SHTN1: variants seen among roughly 807,000 people sequenced by gnomAD.
The protein encoded by SHTN1 is shootin 1, also known as shootin-1.
A neutral mutation model predicts 83.1 loss-of-function variants in SHTN1; 42 were observed. The ratio of observed to expected loss-of-function variants is 0.51; its 90% CI spans 0.39 to 0.65. SHTN1 has a LOEUF of 0.65. Among genes scored for constraint, SHTN1 ranks in the 30% least tolerant of loss-of-function variants. SHTN1 has a pLI of 0.00. For synonymous variants in SHTN1, 224 were observed against 247.7 expected, an observed-to-expected ratio of 0.90 and a Z score of 0.90; for missense variants, 622 against 737.8, an observed-to-expected ratio of 0.84 and a Z score of 1.82.
chr10:117,092,862 T>C (rs1853453694), intron 1 of SHTN1, among the ~76,000 whole-genome samples: 1 of 152,158 alleles, frequency 6.6e-6, no homozygotes, highest in African/African-American at 2.4e-5. Flanking sequence ...TATGTAATAC[T>C]TTCTTCAGCT....
chr10:116,901,937 T>G lies in SHTN1; in HGVS notation c.1501A>C (p.Thr501Pro). Residue 501 changes from threonine (T) to proline (P), a missense_variant, in exon 16 of 17, where the codon ACC becomes CCC. By Grantham distance (38) the Thr-to-Pro change is conservative (BLOSUM62 -1). Transcript: ENST00000355371. ...ACTGGCATGGATTTGGACTCTGAGG[T>G]GGCTAATATCCCAGTTGGACCTTAA... ...DSSSPTGILA[T>P]SESKSMPVLG... 6.2e-7 allele frequency: 1 copy of G among 1,601,400 alleles called. No homozygotes were observed. The highest frequency in any genetic ancestry group is 8.5e-7 in the Non-Finnish European group (1 of 1,175,404).
In SHTN1 at chr10:117,002,435, T is replaced by C. The variant is rs1851854153; in HGVS notation, c.58+2587A>G. Among the ~76,000 whole-genome samples the C allele has an allele frequency of 3.3e-5, 5 of 152,186 alleles. No individual in the cohort carries two copies. The South Asian group carries it at 8.3e-4, about 25-fold the overall frequency. On this transcript the variant is annotated intron_variant, in intron 1 of 16. Transcript: ENST00000355371. Reference sequence around the variant, plus strand: ...GCATTATTAAGGGAAAATAACATATTTGATAAATAGTGGTTCTTCTTGCTC... The same window carrying C: ...GCATTATTAAGGGAAAATAACATATCTGATAAATAGTGGTTCTTCTTGCTC...
At chr10:116,901,638 A>C in intron 16 of SHTN1, 127 bp downstream of exon 16, 1 of 1,354,538 alleles carries the variant, frequency 7.4e-7, no homozygotes, top group Non-Finnish European at 9.4e-7. Context: ...CCATCAAATG[A>C]AAAGAAGAAG....
At chr10:117,112,036 G>A (rs1327925470) in intron 1 of SHTN1, among the ~76,000 whole-genome samples, 2 of 152,088 alleles carry the variant, frequency 1.3e-5, no homozygotes. Flanking sequence ...CACGCTCTCT[G>A]CTCACTGCAA....
At chr10:116,990,219 T>G (rs1424159238) in intron 1 of SHTN1, among the ~76,000 whole-genome samples, 1 of 152,064 alleles carries the variant, frequency 6.6e-6, no homozygotes, top group African/African-American at 2.4e-5. Flanking sequence ...TACATATTGA[T>G]GACTGATCTT....
At chr10:116,980,828 CA>C (rs1185806991) in intron 1 of SHTN1, among the ~76,000 whole-genome samples, 8 of 152,074 alleles carry the variant, frequency 5.3e-5, no homozygotes, top group Admixed American at 6.6e-5. Context: ...ATGGTGGCAC[CA>C]AAGTCCTAAA....
chr10:117,104,264 T>G (rs185569237), intron 1 of SHTN1, among the ~76,000 whole-genome samples: 35 of 152,080 alleles, frequency 2.3e-4, no homozygotes, highest in African/African-American at 8.4e-4. Context: ...AATCTTCCCT[T>G]CATCCCCAGT....
intron 1 of SHTN1, among the ~76,000 whole-genome samples, chr10:117,074,630 C>T (rs773174538): frequency 5.9e-5 from 9 of 152,174 alleles, no homozygotes; most frequent in Non-Finnish European, 1.0e-4. Context: ...ATATCACTTT[C>T]CAGAACAATA....
intron 1 of SHTN1, among the ~76,000 whole-genome samples, chr10:117,100,852 C>G (rs1853581009): frequency 6.6e-6 from 1 of 152,170 alleles, no homozygotes; most frequent in African/African-American, 2.4e-5. Context: ...TGCAAAGATT[C>G]TGAGGTGGGA....
At chr10:116,943,439 C>T (rs1302708365) in intron 8 of SHTN1, among the ~76,000 whole-genome samples, 1 of 152,182 alleles carries the variant, frequency 6.6e-6, no homozygotes, top group Non-Finnish European at 1.5e-5. Context: ...GCAATAAAGG[C>T]ATCTTCACAT....
chr10:117,004,093 G>A (rs1199768639), intron 1 of SHTN1, among the ~76,000 whole-genome samples: 1 of 151,976 alleles, frequency 6.6e-6, no homozygotes, highest in Non-Finnish European at 1.5e-5. Context: ...CTCCATGTTG[G>A]TTAGGCTGGT....
chr10:116,904,926 G>A (rs1847902182), intron 15 of SHTN1, among the ~76,000 whole-genome samples: 1 of 151,960 alleles, frequency 6.6e-6, no homozygotes, highest in Admixed American at 6.5e-5. Flanking sequence ...TGTTGGCCGG[G>A]CGCGGTGGCT....
chr10:116,953,706 C>A (rs1042185428), intron 5 of SHTN1, among the ~76,000 whole-genome samples: 3 of 143,904 alleles, frequency 2.1e-5, no homozygotes, highest in African/African-American at 7.5e-5. Context: ...CGGCTCACTG[C>A]AACCTCTGCC....
At chr10:117,075,089 AACTGT>A (rs1429023557) in intron 1 of SHTN1, among the ~76,000 whole-genome samples, 5 of 152,218 alleles carry the variant, frequency 3.3e-5, no homozygotes, top group Admixed American at 6.5e-5. Flanking sequence ...AAAACATGGA[AACTGT>A]ACTATTATTT....
intron 13 of SHTN1, among the ~76,000 whole-genome samples, chr10:116,914,344 C>T (rs750876099): frequency 4.5e-4 from 69 of 151,980 alleles, no homozygotes; most frequent in East Asian, 1.4e-3. Flanking sequence ...TGGTGGCATG[C>T]GCCTGTAGTT....
At chr10:116,892,464 T>C (rs888889621) in intron 16 of SHTN1, among the ~76,000 whole-genome samples, 1 of 152,206 alleles carries the variant, frequency 6.6e-6, no homozygotes, top group African/African-American at 2.4e-5. Flanking sequence ...TCCACTCAGA[T>C]TCCAGCTATT....
chr10:117,013,779 C>T (rs1018806796), intron 2 of SHTN1, among the ~76,000 whole-genome samples: 4 of 152,062 alleles, frequency 2.6e-5, no homozygotes, highest in African/African-American at 4.8e-5. Flanking sequence ...CCCAAATGAG[C>T]GGAAAACTTA....
intron 1 of SHTN1, among the ~76,000 whole-genome samples, chr10:117,089,149 T>C (rs1198950130): frequency 1.3e-5 from 2 of 152,154 alleles, no homozygotes; most frequent in African/African-American, 4.8e-5. Flanking sequence ...GATCAGTGGC[T>C]GTTGAGGGTA....
At chr10:117,030,794 G>T (rs915976464) in intron 2 of SHTN1, among the ~76,000 whole-genome samples, 1 of 151,832 alleles carries the variant, frequency 6.6e-6, no homozygotes, top group African/African-American at 2.4e-5. Flanking sequence ...CAGGCTATTT[G>T]AAAATACTTG....
Sources: allele counts gnomAD v4.1 joint callset (sites outside exome capture counted in the v4.1 genomes callset), GRCh38; gene constraint gnomAD v4.1.1; transcripts MANE v1.5; gene names NCBI Gene and HGNC (gene_info 2026-07-23, HGNC 2026-07-21).